Variants in CORO2B observed in about 807,000 individuals in gnomAD.
The protein encoded by CORO2B is coronin-2B.
A neutral mutation model predicts 58.8 loss-of-function variants in CORO2B; 26 were observed. That is an observed-to-expected ratio of 0.44 (90% CI 0.32 to 0.61). CORO2B has a LOEUF of 0.61. Ranked by LOEUF, CORO2B falls within the 20% of genes least tolerant of loss-of-function variation. The pLI is 0.04. For synonymous variants in CORO2B, 242 were observed against 253.8 expected, an observed-to-expected ratio of 0.95 and a Z score of 0.44; for missense variants, 460 against 645.1, an observed-to-expected ratio of 0.71 and a Z score of 3.11.
In CORO2B at chr15:68,670,074, G is replaced by A. The variant is rs529025287; in HGVS notation, c.216+24714G>A. 2.1e-3 allele frequency among the ~76,000 whole-genome samples: 313 copies of A among 148,728 alleles called. 1 individual carries two copies. Among genetic ancestry groups the A allele is most frequent in the African/African-American group, 7.7e-3 (300 of 38,964 alleles). On this transcript the variant is annotated intron_variant, in intron 2 of 11. Transcript: ENST00000261861. ...TCTGTCTCAGAAAAAAAAAAGGGGG[G>A]GAAAAATAAAGAAAAATTTAAAAAT...
intron 3 of CORO2B, among the ~76,000 whole-genome samples, chr15:68,705,551 G>A (rs552191787): frequency 6.6e-6 from 1 of 152,218 alleles, no homozygotes; most frequent in African/African-American, 2.4e-5. Flanking sequence ...CTCTCTGTGG[G>A]ATATTTATTC....
In CORO2B at chr15:68,712,233, G is replaced by A. The variant is rs185977118; in HGVS notation, c.648+527G>A. ...TTTTTTGAGCACCTGCTGTGTGCTG[G>A]TCATGGGGAGAGATGGAATGGAAAA... is the stretch of plus-strand genomic sequence containing the variant. On this transcript the variant is annotated intron_variant, in intron 5 of 11. Transcript: ENST00000261861. 5.3e-5 allele frequency among the ~76,000 whole-genome samples: 8 copies of A among 152,306 alleles called. No homozygotes were observed. The East Asian group carries it at 1.5e-3, about 29-fold the overall frequency.
chr15:68,683,511 G>A (rs974561631), intron 2 of CORO2B, among the ~76,000 whole-genome samples: 3 of 152,184 alleles, frequency 2.0e-5, no homozygotes, highest in Admixed American at 2.0e-4. Context: ...ATGCTGTCAT[G>A]TAACTTTTTT....
intron 1 of CORO2B, among the ~76,000 whole-genome samples, chr15:68,582,392 G>A (rs1411222865): frequency 6.6e-6 from 1 of 152,184 alleles, no homozygotes; most frequent in Non-Finnish European, 1.5e-5. Context: ...AGCATGCACA[G>A]GAGGTCAAGG....
chr15:68,726,028 C>A lies in CORO2B; in HGVS notation c.*54C>A. On this transcript the variant is annotated 3_prime_UTR_variant, in exon 12 of 12. Transcript: ENST00000261861. ...ATCTCTCCGTCGTTTCTACTCATCC[C>A]TTAACTTCTCCCTTACCAGTGACCC... 3 of 1,601,888 alleles carry A rather than the reference C, an allele frequency of 1.9e-6. No individual in the cohort carries two copies. The highest frequency in any genetic ancestry group is 1.1e-5 in the South Asian group (1 of 90,446).
At position 68,710,605 on chromosome 15, in the gene CORO2B, G is replaced by C; in HGVS notation, c.334-127G>C. 8.7e-7 allele frequency: 1 copy of C among 1,148,114 alleles called. No homozygotes were observed. The highest frequency in any genetic ancestry group is 1.2e-6 in the Non-Finnish European group (1 of 854,230). The allele number at this position is 1,148,114 out of a possible 1,614,324, so 71.1% of individuals were successfully genotyped here. A position where few individuals can be genotyped will look rare whatever the true frequency, so the allele number is the denominator to read the frequency against. On this transcript the variant is annotated intron_variant, in intron 3 of 11. Coordinates refer to ENST00000261861, the MANE Select transcript of CORO2B (RefSeq NM_006091.5). The surrounding 1 kb of genome is among the most constrained non-coding windows in gnomAD (Gnocchi z 4.1). Reference sequence around the variant, plus strand: ...AGGCCTCAGTCGAGCTTTGCCCATCGCCTCAAGCCAGGAGGTGGCTCATCA... The same window carrying C: ...AGGCCTCAGTCGAGCTTTGCCCATCCCCTCAAGCCAGGAGGTGGCTCATCA...
chr15:68,695,912 A>G (rs1892499443), intron 3 of CORO2B, among the ~76,000 whole-genome samples: 1 of 151,986 alleles, frequency 6.6e-6, no homozygotes, highest in Non-Finnish European at 1.5e-5. Context: ...AAAGGGGGAA[A>G]GAGACAATTT....
At chr15:68,602,008 CTTT>C (rs566789911) in intron 1 of CORO2B, among the ~76,000 whole-genome samples, 6 of 133,320 alleles carry the variant, frequency 4.5e-5, no homozygotes, top group African/African-American at 8.2e-5. Flanking sequence ...GATGGGAAGG[CTTT>C]TTTTTTTTTT....
At chr15:68,676,947 C>CT (rs1398952402) in intron 2 of CORO2B, among the ~76,000 whole-genome samples, 8 of 151,578 alleles carry the variant, frequency 5.3e-5, no homozygotes, top group Non-Finnish European at 1.2e-4. Context: ...AATTTTTTTT[C>CT]TTTTTTTTGT....
intron 1 of CORO2B, among the ~76,000 whole-genome samples, chr15:68,590,239 A>G (rs994036152): frequency 2.6e-5 from 4 of 151,574 alleles, no homozygotes; most frequent in African/African-American, 9.7e-5. Context: ...CCTCTGCACC[A>G]CCGCCCCCCT....
At position 68,612,514 on chromosome 15, in the gene CORO2B, A is replaced by G. The variant is rs1288043624; in HGVS notation, c.16-32646A>G. On this transcript the variant is annotated intron_variant, in intron 1 of 11. Coordinates refer to ENST00000261861, the MANE Select transcript of CORO2B (RefSeq NM_006091.5). ...CTCTGAGGTCTGGGGTAGAGCAGGAAAACTGAGAGCTGTTGGGTTGACAGG... is the reference window on the plus strand; with the variant it reads ...CTCTGAGGTCTGGGGTAGAGCAGGAGAACTGAGAGCTGTTGGGTTGACAGG... Among the ~76,000 whole-genome samples, 5 of 152,180 alleles carry G rather than the reference A, an allele frequency of 3.3e-5. No homozygotes were observed. In the East Asian group the frequency reaches 7.7e-4, roughly 23 times the overall value.
intron 3 of CORO2B, among the ~76,000 whole-genome samples, chr15:68,709,045 G>C (rs1157216518): frequency 1.3e-5 from 2 of 152,162 alleles, no homozygotes; most frequent in East Asian, 3.9e-4. Flanking sequence ...CAATTGACTA[G>C]TATTACATAT....
chr15:68,520,092 C>T, the CORO2B span, among the ~76,000 whole-genome samples: 1 of 152,152 alleles, frequency 6.6e-6, no homozygotes, highest in Non-Finnish European at 1.5e-5. Context: ...GTTATTCTTT[C>T]ATTATCGATT....
intron 1 of CORO2B, among the ~76,000 whole-genome samples, chr15:68,589,492 C>T (rs187043920): frequency 5.3e-5 from 8 of 152,286 alleles, no homozygotes; most frequent in Non-Finnish European, 4.4e-5. Context: ...CTGCTACAGC[C>T]GGAAGGGACT....
chr15:68,619,822 G>C (rs1900468606), intron 1 of CORO2B, among the ~76,000 whole-genome samples: 2 of 152,096 alleles, frequency 1.3e-5, no homozygotes, highest in African/African-American at 2.4e-5. Flanking sequence ...ATAAACTCTA[G>C]GTCTTTCCTT....
the CORO2B span, chr15:68,559,716 G>A: frequency 2.3e-6 from 2 of 858,858 alleles, no homozygotes; most frequent in South Asian, 1.1e-4. This position sits in a 1 kb window ranked among gnomAD's most constrained non-coding sequence, Gnocchi z 4.3. Flanking sequence ...TCTCCCAGGG[G>A]GACTGTCGGT....
chr15:68,590,285 C>G (rs910204795), intron 1 of CORO2B, among the ~76,000 whole-genome samples: 3 of 151,226 alleles, frequency 2.0e-5, no homozygotes, highest in Admixed American at 6.6e-5. Context: ...GCCTGGGAGC[C>G]ACAAACTCAG....
At chr15:68,521,434 A>G in the CORO2B span, among the ~76,000 whole-genome samples, 19,256 of 152,176 alleles carry the variant, frequency 0.13, 1,253 homozygotes, top group Admixed American at 0.16. Context: ...AGTTCTATAT[A>G]TATTTTGAAT....
At chr15:68,689,046 G>A (rs1166439184) in intron 2 of CORO2B, among the ~76,000 whole-genome samples, 5 of 151,806 alleles carry the variant, frequency 3.3e-5, no homozygotes, top group African/African-American at 1.2e-4. Context: ...CCCCAGCCCC[G>A]AGCTCTTCCT....
Sources: allele counts gnomAD v4.1 joint callset (sites outside exome capture counted in the v4.1 genomes callset), GRCh38; gene constraint gnomAD v4.1.1; non-coding constraint Gnocchi (gnomAD v3.1); transcripts MANE v1.5; gene names NCBI Gene and HGNC (gene_info 2026-07-23, HGNC 2026-07-21).